CAMKK2: variants seen among roughly 807,000 people sequenced by gnomAD.
CAMKK2 encodes the protein calcium/calmodulin-dependent protein kinase kinase 2.
CAMKK2 carries 30 observed loss-of-function variants against 67.2 expected under a neutral mutation model. The ratio of observed to expected loss-of-function variants is 0.45; its 90% CI spans 0.33 to 0.61. The LOEUF (loss-of-function observed/expected upper bound fraction) is 0.61. CAMKK2 is among the 20% of genes least tolerant of loss of function. The probability of loss-of-function intolerance (pLI) is 0.02; values close to 1 mark genes in which losing one functional copy is unlikely to be tolerated. For synonymous variants in CAMKK2, 322 were observed against 326.2 expected, an observed-to-expected ratio of 0.99 and a Z score of 0.14; for missense variants, 643 against 802.0, an observed-to-expected ratio of 0.80 and a Z score of 2.39.
At chr12:121,255,341 T>TATATATATAATTTTATATATATAA (rs1566060061) in intron 9 of CAMKK2, among the ~76,000 whole-genome samples, 1 of 28,054 alleles carries the variant, frequency 3.6e-5, no homozygotes, top group African/African-American at 1.4e-4. Context: ...TATATATAAT[T>TATATATATAATTTTATATATATAA]TTATATATAT....
chr12:121,265,565 T>C (rs545070695), intron 5 of CAMKK2, among the ~76,000 whole-genome samples: 24 of 152,002 alleles, frequency 1.6e-4, no homozygotes, highest in Admixed American at 4.6e-4. Context: ...ATGAGATTAG[T>C]GCTGTTATAA....
At chr12:121,259,979 G>A (rs917374518) in intron 7 of CAMKK2, among the ~76,000 whole-genome samples, 3 of 152,184 alleles carry the variant, frequency 2.0e-5, no homozygotes, top group African/African-American at 7.2e-5. Context: ...CTACTCAGGA[G>A]GCTGAGGTGG....
chr12:121,246,725 C>G (rs865907013), intron 14 of CAMKK2, among the ~76,000 whole-genome samples: 1 of 152,014 alleles, frequency 6.6e-6, no homozygotes, highest in African/African-American at 2.4e-5. Flanking sequence ...CTCTGTGAAG[C>G]CCCCAGCCCT....
Position 121,282,257 on chromosome 12 carries a change from G to A in CAMKK2, c.-59-7672C>T, listed in dbSNP as rs896533139. ...AGCCCGGGAGCAGGAACAAAGTGGG[G>A]AAGGAGGGGCTGGAAGGGCTACAGC... On this transcript the variant is annotated intron_variant, in intron 1 of 16. Coordinates refer to ENST00000404169, the MANE Select transcript of CAMKK2 (RefSeq NM_001270485.2). Among the ~76,000 whole-genome samples the A allele has an allele frequency of 9.2e-5, 14 of 152,098 alleles. 1 individual carries two copies. The highest frequency in any genetic ancestry group is 1.9e-4 in the Non-Finnish European group (13 of 68,006).
intron 1 of CAMKK2, among the ~76,000 whole-genome samples, chr12:121,278,900 T>C (rs991869210): frequency 6.6e-6 from 1 of 152,222 alleles, no homozygotes; most frequent in Non-Finnish European, 1.5e-5. Flanking sequence ...TGCTCTTAAG[T>C]GTGTCCCTCA....
chr12:121,274,487 C>T lies in CAMKK2; in HGVS notation c.40G>A (p.Ala14Thr), dbSNP rs758658098. The T allele has an allele frequency of 6.2e-7, 1 of 1,612,536 alleles. No individual in the cohort carries two copies. Among genetic ancestry groups the T allele is most frequent in the South Asian group, 1.1e-5 (1 of 91,056 alleles). The stretch of plus-strand genomic sequence containing the variant: ...CCCCCCAGCTCATCCTGGGGGGCGG[C>T]CCGGTTGCTGCTGGGCTGGCTAGAG... Reference protein sequence around the residue: ...CVSSQPSSNRAAPQDELGGRG... With the variant: ...CVSSQPSSNRTAPQDELGGRG... Residue 14 changes from alanine to threonine, a missense_variant, in exon 2 of 17, where the codon GCC becomes ACC. Ala to Thr is a moderately conservative substitution (Grantham distance 58). Coordinates refer to ENST00000404169, the MANE Select transcript of CAMKK2 (RefSeq NM_001270485.2).
In CAMKK2 at chr12:121,253,465, G is replaced by A. The variant is rs1313127180; in HGVS notation, c.915C>T (p.Tyr305=). Residue 305 remains tyrosine (Y), a synonymous_variant, in exon 10 of 17, where the codon TAC becomes TAT. Coordinates refer to ENST00000404169, the MANE Select transcript of CAMKK2 (RefSeq NM_001270485.2). This position sits in a 1 kb window ranked among gnomAD's most constrained non-coding sequence, Gnocchi z 5.0. ...TGATGTCACGGTGGATGATCTTCTG[G>A]TAGTGTACTGGGGAGGCGTAGACAG... ...DLIKGIEYLH[Y]QKIIHRDIKP... 6 of 1,614,074 alleles carry A rather than the reference G, an allele frequency of 3.7e-6. No homozygotes were observed. Among genetic ancestry groups the A allele is most frequent in the Non-Finnish European group, 5.1e-6 (6 of 1,179,972 alleles).
chr12:121,268,497 C>A (rs529145301), intron 5 of CAMKK2, 141 bp downstream of exon 5: 114 of 789,118 alleles, frequency 1.4e-4, no homozygotes, highest in Non-Finnish European at 2.3e-4. Flanking sequence ...CAGGTTCAAG[C>A]AATTCTTGTG....
chr12:121,264,206 C>A (rs1388714406), intron 5 of CAMKK2, among the ~76,000 whole-genome samples: 1 of 152,246 alleles, frequency 6.6e-6, no homozygotes, highest in Non-Finnish European at 1.5e-5. Flanking sequence ...CAGTGAAAGG[C>A]AGGAGTGCTG....
chr12:121,268,100 A>ATATATATATATATATATATATATATATG, intron 5 of CAMKK2, among the ~76,000 whole-genome samples: 1 of 143,450 alleles, frequency 7.0e-6, no homozygotes, highest in Non-Finnish European at 1.5e-5. Context: ...ATATATATAT[A>ATATATATATATATATATATATATATATG]CTCTATTCAT....
chr12:121,278,753 T>C (rs1288556300), intron 1 of CAMKK2, among the ~76,000 whole-genome samples: 3 of 152,212 alleles, frequency 2.0e-5, no homozygotes, highest in African/African-American at 7.2e-5. Context: ...AACCTTTCTG[T>C]TGTAAATTGC....
intron 16 of CAMKK2, among the ~76,000 whole-genome samples, chr12:121,242,828 C>T (rs1356152122): frequency 6.6e-6 from 1 of 152,142 alleles, no homozygotes; most frequent in Non-Finnish European, 1.5e-5. Flanking sequence ...CTGCAAGCTC[C>T]GCCTCCCGGG....
At position 121,240,771 on chromosome 12, in the gene CAMKK2, G is replaced by A; in HGVS notation, c.1695C>T (p.Cys565=). 6.2e-7 allele frequency: 1 copy of A among 1,609,010 alleles called. No homozygotes were observed. Among genetic ancestry groups the A allele is most frequent in the Non-Finnish European group, 8.5e-7 (1 of 1,178,862 alleles). ...LVRGSPCVES[C]WAPAPGSPAR... ...CGGGGGAGCCGGGGGCGGGGGCCCA[G>A]CAACTTTCCACGCAGGGACTGCCTC... The change falls in exon 17 of 17, where the codon TGC becomes TGT. Residue 565 remains cysteine, a synonymous_variant. Coordinates refer to ENST00000404169, the MANE Select transcript of CAMKK2 (RefSeq NM_001270485.2). The surrounding 1 kb of genome is among the most constrained non-coding windows in gnomAD (Gnocchi z 4.4).
intron 1 of CAMKK2, among the ~76,000 whole-genome samples, chr12:121,291,822 C>A (rs1315725129): frequency 1.3e-5 from 2 of 152,134 alleles, no homozygotes; most frequent in Non-Finnish European, 2.9e-5. Flanking sequence ...CTTTGGGAGG[C>A]CGAGGCGGGC....
In CAMKK2 at chr12:121,274,181, C is replaced by T. The variant is rs374969030; in HGVS notation, c.346G>A (p.Asp116Asn). The T allele has an allele frequency of 2.5e-6, 4 of 1,600,980 alleles. No homozygotes were observed. Among genetic ancestry groups the T allele is most frequent in the Non-Finnish European group, 2.6e-6 (3 of 1,171,952 alleles). ...GGGCAGATGCAGCGTCCGTTCATGT[C>T]CAGGCTGCCACCGGCTGCCAGCCCA... ...QGGLAAGGSL[D>N]MNGRCICPSL... Residue 116 changes from aspartate to asparagine, a missense_variant, in exon 2 of 17, where the codon GAC (aspartate) becomes AAC (asparagine). Physicochemically the swap from Asp to Asn is conservative, Grantham distance 23. Coordinates refer to ENST00000404169, the MANE Select transcript of CAMKK2 (RefSeq NM_001270485.2).
At position 121,255,753 on chromosome 12, in the gene CAMKK2, A is replaced by G. The variant is rs575548663; in HGVS notation, c.818+30T>C. 42 of 1,613,638 alleles carry G rather than the reference A, an allele frequency of 2.6e-5. No individual in the cohort carries two copies. In the East Asian group the frequency reaches 9.1e-4, roughly 35 times the overall value. The stretch of plus-strand genomic sequence containing the variant: ...CTATGCAGCTACAGAAGCTTCTTGC[A>G]TCACCCCTGCTGGGAGCTGGGACAC... On this transcript the variant is annotated intron_variant, in intron 8 of 16. Coordinates refer to ENST00000404169, the MANE Select transcript of CAMKK2 (RefSeq NM_001270485.2).
chr12:121,246,104 C>T lies in CAMKK2; in HGVS notation c.1453-864G>A, dbSNP rs141090276. Among the ~76,000 whole-genome samples the T allele has an allele frequency of 5.9e-4, 89 of 151,972 alleles. 1 individual carries two copies. The East Asian group carries it at 0.016, about 27-fold the overall frequency. ...GGCTGGGGGGAGGTGAATGGAGAGT[C>T]ATTGCTGATGGGCGGGGGTGTGAAG... is the stretch of plus-strand genomic sequence containing the variant. On this transcript the variant is annotated intron_variant, in intron 14 of 16. Transcript: ENST00000404169.
At position 121,253,006 on chromosome 12, in the gene CAMKK2, C is replaced by G. The variant is rs1227884114; in HGVS notation, c.1107+267G>C. 6.6e-6 allele frequency among the ~76,000 whole-genome samples: 1 copy of G among 152,214 alleles called. No individual in the cohort carries two copies. The highest frequency in any genetic ancestry group is 1.5e-5 in the Non-Finnish European group (1 of 68,050). ...TTCAGAATGAGGAATGCTCTTGCCACTGAGGTTGGCAAATGATAGAAAGTA... is the reference window on the plus strand; with the variant it reads ...TTCAGAATGAGGAATGCTCTTGCCAGTGAGGTTGGCAAATGATAGAAAGTA... On this transcript the variant is annotated intron_variant, in intron 10 of 16. Coordinates refer to ENST00000404169, the MANE Select transcript of CAMKK2 (RefSeq NM_001270485.2). This position sits in a 1 kb window ranked among gnomAD's most constrained non-coding sequence, Gnocchi z 5.0.
intron 5 of CAMKK2, among the ~76,000 whole-genome samples, chr12:121,265,357 G>A (rs112385156): frequency 5.4e-4 from 74 of 136,976 alleles, no homozygotes; most frequent in Non-Finnish European, 9.3e-4. Flanking sequence ...GGAGAGAGGG[G>A]AAAGTGGTAG....
Sources: allele counts gnomAD v4.1 joint callset (sites outside exome capture counted in the v4.1 genomes callset), GRCh38; gene constraint gnomAD v4.1.1; non-coding constraint Gnocchi (gnomAD v3.1); transcripts MANE v1.5; gene names NCBI Gene and HGNC (gene_info 2026-07-23, HGNC 2026-07-21).